CDKL2: variants seen among roughly 807,000 people sequenced by gnomAD.
CDKL2 encodes cyclin dependent kinase like 2.
In CDKL2, 64 loss-of-function variants were observed where a neutral mutation model predicts 63.9. The ratio of observed to expected loss-of-function variants is 1.00; its 90% CI spans 0.82 to 1.23. The LOEUF is 1.23. Ranked by LOEUF, CDKL2 falls within the 50% of genes most tolerant of loss-of-function variation. CDKL2 has a pLI of 0.00. For missense variants in CDKL2, 656 were observed against 668.0 expected, an observed-to-expected ratio of 0.98 and a Z score of 0.20; for synonymous variants, 211 against 229.2, an observed-to-expected ratio of 0.92 and a Z score of 0.72.
At chr4:75,599,705 G>C (rs1421894362) in intron 7 of CDKL2, among the ~76,000 whole-genome samples, 1 of 152,124 alleles carries the variant, frequency 6.6e-6, no homozygotes, top group Non-Finnish European at 1.5e-5. Flanking sequence ...ACAACTAATT[G>C]AGTACAAAAG....
chr4:75,596,108 G>A (rs1235970974), intron 10 of CDKL2, 139 bp downstream of exon 10: 1 of 512,624 alleles, frequency 2.0e-6, no homozygotes, highest in Non-Finnish European at 3.4e-6. Context: ...GATGGGTTGG[G>A]ATAATATATG....
At chr4:75,624,646 C>T (rs999850003) in intron 2 of CDKL2, among the ~76,000 whole-genome samples, 2 of 150,512 alleles carry the variant, frequency 1.3e-5, no homozygotes, top group Non-Finnish European at 3.0e-5. Flanking sequence ...GTCAGGAGAT[C>T]GAGACCATCC....
chr4:75,603,993 C>A (rs1179356386), intron 5 of CDKL2, 37 bp from the exon 6 acceptor site: 1 of 1,571,958 alleles, frequency 6.4e-7, no homozygotes. Flanking sequence ...TGTTATTATA[C>A]AACATGATAG....
chr4:75,617,312 A>G (rs190647090), intron 2 of CDKL2, among the ~76,000 whole-genome samples: 24 of 152,348 alleles, frequency 1.6e-4, no homozygotes, highest in Admixed American at 1.4e-3. Context: ...ATGATATTAT[A>G]CATAATAATA....
chr4:75,577,599 G>A lies in CDKL2; in HGVS notation c.*1603C>T, dbSNP rs1004262579. Among the ~76,000 whole-genome samples, 2 of 152,156 alleles carry A rather than the reference G, an allele frequency of 1.3e-5. No individual in the cohort carries two copies. Among genetic ancestry groups the A allele is most frequent in the East Asian group, 3.8e-4 (2 of 5,200 alleles). On this transcript the variant is annotated 3_prime_UTR_variant, in exon 14 of 14. Transcript: ENST00000307465. ...AAGCCGAAGCGCCATTTGGCTTTAA[G>A]TATTACCTGTTTGCCATGCTGCAGA...
chr4:75,629,789 C>T (rs1256650429), intron 1 of CDKL2, among the ~76,000 whole-genome samples: 1 of 151,712 alleles, frequency 6.6e-6, no homozygotes, highest in South Asian at 2.1e-4. Flanking sequence ...AAAATACAAA[C>T]TTAGCCGGGC....
In CDKL2 at chr4:75,578,784, C is replaced by A. The variant is rs1356788907; in HGVS notation, c.*418G>T. The A allele has an allele frequency of 6.6e-6, 1 of 152,572 alleles. No individual in the cohort carries two copies. The allele number at this position is 152,572 out of a possible 1,614,324, so 9.5% of individuals were successfully genotyped here. A position where few individuals can be genotyped will look rare whatever the true frequency, so the allele number is the denominator to read the frequency against. On this transcript the variant is annotated 3_prime_UTR_variant, in exon 14 of 14. Transcript: ENST00000307465. ...TAAATGTACACATTTATACAGAAAACACACAAAGTTCAATGCATGAGTAAC... is the reference window on the plus strand; with the variant it reads ...TAAATGTACACATTTATACAGAAAAAACACAAAGTTCAATGCATGAGTAAC...
intron 10 of CDKL2, chr4:75,595,987 AG>A: frequency 3.5e-6 from 1 of 285,058 alleles, no homozygotes; most frequent in Non-Finnish European, 6.1e-6. Flanking sequence ...GAAGGAAGGA[AG>A]GAAGGAAGGA....
intron 1 of CDKL2, among the ~76,000 whole-genome samples, chr4:75,626,402 C>A (rs897327286): frequency 6.6e-6 from 1 of 152,062 alleles, no homozygotes; most frequent in Non-Finnish European, 1.5e-5. Context: ...CGCAGTGGCT[C>A]ACGCCTGTAA....
intron 2 of CDKL2, among the ~76,000 whole-genome samples, chr4:75,620,205 T>C (rs573888110): frequency 3.3e-5 from 5 of 151,878 alleles, no homozygotes; most frequent in Non-Finnish European, 7.4e-5. Context: ...AAAATAATAA[T>C]AATGATAATA....
chr4:75,589,520 G>A (rs968119229), intron 12 of CDKL2, among the ~76,000 whole-genome samples: 1 of 151,434 alleles, frequency 6.6e-6, no homozygotes, highest in Non-Finnish European at 1.5e-5. Context: ...TAGCCGGGAT[G>A]GTCTCGATCT....
At chr4:75,619,394 A>G (rs1054659570) in intron 2 of CDKL2, among the ~76,000 whole-genome samples, 47 of 152,202 alleles carry the variant, frequency 3.1e-4, no homozygotes, top group African/African-American at 1.1e-3. Context: ...AGCAGCCACA[A>G]AAATCTAAAG....
Position 75,607,184 on chromosome 4 carries a change from T to C in CDKL2, c.541A>G (p.Lys181Glu). ...TCCTCCCCATTACTGATGTCTTACT[T>C]GCCATACTTGACATCACCAACCAAT... is the stretch of plus-strand genomic sequence containing the variant. The part of the protein sequence containing the change: ...ELLVGDVKYG[K>E]AVDVWAIGCL... Residue 181 changes from lysine to glutamate, a missense_variant and splice_region_variant, in exon 4 of 14, where the codon AAG (lysine) becomes GAG (glutamate). By Grantham distance (56) the Lys-to-Glu change is moderately conservative (BLOSUM62 1). Transcript: ENST00000307465. 6.2e-7 allele frequency: 1 copy of C among 1,604,972 alleles called. No homozygotes were observed. The highest frequency in any genetic ancestry group is 8.5e-7 in the Non-Finnish European group (1 of 1,174,372).
At chr4:75,613,241 C>T (rs1200998974) in intron 3 of CDKL2, among the ~76,000 whole-genome samples, 1 of 152,160 alleles carries the variant, frequency 6.6e-6, no homozygotes, top group Non-Finnish European at 1.5e-5. Flanking sequence ...TCTGCCTCTA[C>T]TGAGCAATTT....
At chr4:75,627,780 C>T (rs1201192824) in intron 1 of CDKL2, among the ~76,000 whole-genome samples, 4 of 114,850 alleles carry the variant, frequency 3.5e-5, no homozygotes, top group Non-Finnish European at 4.8e-5. Flanking sequence ...CTGGCGCGAT[C>T]TCGGCTCACT....
intron 12 of CDKL2, among the ~76,000 whole-genome samples, chr4:75,589,505 C>T (rs1407498880): frequency 1.3e-5 from 2 of 151,248 alleles, no homozygotes; most frequent in African/African-American, 2.4e-5. Flanking sequence ...GGGGTTTCAC[C>T]GTTTTAGCCG....
In CDKL2 at chr4:75,598,140, G is replaced by A. The variant is rs369392841; in HGVS notation, c.957C>T (p.Asn319=). Residue 319 remains asparagine, a synonymous_variant, in exon 8 of 14, where the codon AAC becomes AAT. Transcript: ENST00000307465. The part of the protein sequence containing the change: ...RNVSLSKKSQ[N]RKKEKEKDDS... ...CATCTTTTTCTTTTTCCTTCTTTCTGTTTTGGGATTTTTTAGATAAAGAAA... is the reference window on the plus strand; with the variant it reads ...CATCTTTTTCTTTTTCCTTCTTTCTATTTTGGGATTTTTTAGATAAAGAAA... 6.4e-7 allele frequency: 1 copy of A among 1,554,068 alleles called. No individual in the cohort carries two copies. The highest frequency in any genetic ancestry group is 1.7e-4 in the Middle Eastern group (1 of 5,838).
intron 6 of CDKL2, 75 bp downstream of exon 6, chr4:75,603,742 A>T: frequency 1.1e-6 from 1 of 933,434 alleles, no homozygotes; most frequent in Non-Finnish European, 1.5e-6. Flanking sequence ...CAACTAGACA[A>T]GTAAAAAAAA....
In CDKL2 at chr4:75,614,361, G is replaced by C. The variant is rs766004182; in HGVS notation, c.257C>G (p.Thr86Arg). The C allele has an allele frequency of 6.8e-6, 11 of 1,610,540 alleles. No homozygotes were observed. Among genetic ancestry groups the C allele is most frequent in the Non-Finnish European group, 9.3e-6 (11 of 1,177,956 alleles). Residue 86 changes from threonine (T) to arginine (R), a missense_variant, in exon 3 of 14, where the codon ACA (threonine) becomes AGA (arginine). Thr to Arg is a moderately conservative substitution (Grantham distance 71, BLOSUM62 -1). Coordinates refer to ENST00000307465, the MANE Select transcript of CDKL2 (RefSeq NM_001330724.2). The part of the protein sequence containing the change: ...WYLVFEFVDH[T>R]ILDDLELFPN... The stretch of plus-strand genomic sequence containing the variant: ...AAAGAGCTCCAAGTCATCAAGAATT[G>C]TGTGGTCAACAAATTCAAAGACTAG...
Sources: allele counts gnomAD v4.1 joint callset (sites outside exome capture counted in the v4.1 genomes callset), GRCh38; gene constraint gnomAD v4.1.1; transcripts MANE v1.5; gene names NCBI Gene and HGNC (gene_info 2026-07-23, HGNC 2026-07-21).